The following NHSL1 variants were observed in gnomAD, a reference collection of about 807,000 sequenced individuals.
NHSL1 encodes the protein NHS-like protein 1.
A neutral mutation model predicts 95.0 loss-of-function variants in NHSL1; 48 were observed. The ratio of observed to expected loss-of-function variants is 0.51; its 90% CI spans 0.40 to 0.64. NHSL1 has a LOEUF of 0.64. Among genes scored for constraint, NHSL1 ranks in the 30% least tolerant of loss-of-function variants. The pLI is 0.00. For synonymous variants in NHSL1, 783 were observed against 833.9 expected, an observed-to-expected ratio of 0.94 and a Z score of 1.05; for missense variants, 1,971 against 2,077.7, an observed-to-expected ratio of 0.95 and a Z score of 1.00.
intron 1 of NHSL1, chr6:138,650,085 A>C (rs1785069426): frequency 5.9e-6 from 3 of 507,626 alleles, no homozygotes; most frequent in Admixed American, 4.6e-5. Flanking sequence ...CATGGCAAAT[A>C]TGGAAACTGA....
chr6:138,510,836 A>T (rs1781186456), intron 1 of NHSL1, among the ~76,000 whole-genome samples: 1 of 152,238 alleles, frequency 6.6e-6, no homozygotes, highest in Non-Finnish European at 1.5e-5. Flanking sequence ...CATTGTATGG[A>T]GACATATTGT....
chr6:138,667,995 T>C lies in NHSL1; in HGVS notation c.96+24481A>G, dbSNP rs72981167. Among the ~76,000 whole-genome samples the C allele has an allele frequency of 1.7e-3, 258 of 152,310 alleles. 1 individual carries two copies. Among genetic ancestry groups the C allele is most frequent in the Middle Eastern group, 0.01 (3 of 294 alleles). ...TTAACTTCCTTTGAAATCAAAAAAATATTCTAACATCTTTGTTTTTGACTG... is the reference window on the plus strand; with the variant it reads ...TTAACTTCCTTTGAAATCAAAAAAACATTCTAACATCTTTGTTTTTGACTG... On this transcript the variant is annotated intron_variant, in intron 1 of 3. Coordinates refer to the NHSL1 transcript ENST00000491526.
At chr6:138,500,454 C>T (rs367979507), upstream of NHSL1, among the ~76,000 whole-genome samples, 21 of 152,280 alleles carry the variant, frequency 1.4e-4, no homozygotes, top group East Asian at 2.1e-3. Flanking sequence ...ACTATGACAA[C>T]GGAAAAAGGA....
At position 138,509,948 on chromosome 6, in the gene NHSL1, T is replaced by C. The variant is rs75171427; in HGVS notation, c.17-13577A>G. On this transcript the variant is annotated intron_variant, in intron 1 of 4. Coordinates refer to the NHSL1 transcript ENST00000342260. ...AATTTATAACCAAAAGGTAAAGCCT[T>C]ACACAAAGGAGTCCAAAAGTGTTTT... Among the ~76,000 whole-genome samples the C allele has an allele frequency of 6.1e-3, 936 of 152,316 alleles. 22 individuals carry two copies. Among genetic ancestry groups the C allele is most frequent in the Admixed American group, 0.047 (726 of 15,298 alleles).
intron 2 of NHSL1, among the ~76,000 whole-genome samples, chr6:138,479,475 A>G (rs1208849125): frequency 6.6e-6 from 1 of 152,186 alleles, no homozygotes; most frequent in African/African-American, 2.4e-5. Context: ...CTACAAACTG[A>G]CTGATGGACG....
At chr6:138,455,744 T>G (rs549820405) in intron 3 of NHSL1, among the ~76,000 whole-genome samples, 1 of 58,672 alleles carries the variant, frequency 1.7e-5, no homozygotes, top group African/African-American at 3.9e-5. Context: ...TGTACCCCGA[T>G]GAACAAGCTA....
rs116104109 is a variant in NHSL1, at chr6:138,441,879, C to T, written c.664+104G>A. On this transcript the variant is annotated intron_variant, in intron 5 of 7. Transcript: ENST00000343505. ...GAAGCTGGCCCGTTGGGGCACCAAA[C>T]GGCTATCAGAATGTATCGATTTTAT... is the stretch of plus-strand genomic sequence containing the variant. The T allele has an allele frequency of 9.3e-4, 1,044 of 1,126,326 alleles. 9 individuals carry two copies. The African/African-American group carries it at 0.015, about 16-fold the overall frequency. The allele number at this position is 1,126,326 out of a possible 1,614,324, so 69.8% of individuals were successfully genotyped here. A position where few individuals can be genotyped will look rare whatever the true frequency, so the allele number is the denominator to read the frequency against.
rs1038451842 is a variant in NHSL1, at chr6:138,433,387, C to T, written c.958G>A (p.Ala320Thr). Residue 320 changes from alanine to threonine, a missense_variant, in exon 6 of 8, where the codon GCT (alanine) becomes ACT (threonine). Ala to Thr is a moderately conservative substitution (Grantham distance 58). Coordinates refer to ENST00000343505, the MANE Select transcript of NHSL1 (RefSeq NM_001144060.2). ...IVFPSRLDSD[A>T]GFHSLPRSGA... ...GAACGCGGAAGACTATGGAAGCCAG[C>T]ATCACTGTCAAGGCGGGAAGGGAAT... 2.6e-6 allele frequency: 4 copies of T among 1,552,314 alleles called. No individual in the cohort carries two copies. Among genetic ancestry groups the T allele is most frequent in the Middle Eastern group, 1.7e-4 (1 of 5,998 alleles).
At chr6:138,653,509 C>T (rs1431803042) in intron 1 of NHSL1, among the ~76,000 whole-genome samples, 1 of 151,988 alleles carries the variant, frequency 6.6e-6, no homozygotes, top group Non-Finnish European at 1.5e-5. Flanking sequence ...AGCTGAGATG[C>T]CAAGATCGCA....
intron 1 of NHSL1, among the ~76,000 whole-genome samples, chr6:138,568,637 GC>G (rs1371930664): frequency 6.6e-6 from 1 of 152,184 alleles, no homozygotes; most frequent in Non-Finnish European, 1.5e-5. Context: ...CTTGTAGTGT[GC>G]TGTCAAACAC....
chr6:138,688,211 C>T (rs1583481998), intron 1 of NHSL1, among the ~76,000 whole-genome samples: 3 of 152,094 alleles, frequency 2.0e-5, no homozygotes, highest in African/African-American at 7.2e-5. Flanking sequence ...CTTGGCCTCC[C>T]AAAGTACTGT....
At chr6:138,450,988 C>T (rs1777197395) in intron 3 of NHSL1, among the ~76,000 whole-genome samples, 1 of 152,192 alleles carries the variant, frequency 6.6e-6, no homozygotes, top group Non-Finnish European at 1.5e-5. Context: ...TGACCATCCT[C>T]CCCTGCTCCT....
intron 1 of NHSL1, among the ~76,000 whole-genome samples, chr6:138,530,568 T>C (rs946910847): frequency 6.6e-6 from 1 of 152,192 alleles, no homozygotes; most frequent in African/African-American, 2.4e-5. Context: ...AAATCTGATA[T>C]ATATACACAC....
intron 5 of NHSL1, 52 bp downstream of exon 5, chr6:138,441,930 GT>G: frequency 6.7e-7 from 1 of 1,498,676 alleles, no homozygotes; most frequent in East Asian, 2.5e-5. Flanking sequence ...GGTTAGCGCA[GT>G]AAGGCCGAGC....
intron 1 of NHSL1, among the ~76,000 whole-genome samples, chr6:138,669,542 C>T (rs1358252657): frequency 6.6e-6 from 1 of 152,200 alleles, no homozygotes; most frequent in Non-Finnish European, 1.5e-5. Context: ...GTTAACCCTA[C>T]ATCTCCTGAC....
At chr6:138,636,587 T>A (rs1784891333) in intron 1 of NHSL1, among the ~76,000 whole-genome samples, 1 of 152,030 alleles carries the variant, frequency 6.6e-6, no homozygotes, top group Non-Finnish European at 1.5e-5. Flanking sequence ...AAAATCAACA[T>A]AAAAAAATCA....
At position 138,422,342 on chromosome 6, in the gene NHSL1, G is replaced by A. The variant is rs1774971460; in HGVS notation, c.*1739C>T. The A allele has an allele frequency of 6.6e-6, 1 of 152,180 alleles. No individual in the cohort carries two copies. The highest frequency in any genetic ancestry group is 1.5e-5 in the Non-Finnish European group (1 of 68,036). The allele number at this position is 152,180 out of a possible 1,614,324, so 9.4% of individuals were successfully genotyped here. A position where few individuals can be genotyped will look rare whatever the true frequency, so the allele number is the denominator to read the frequency against. ...TTGACTTCCGGTTGTGTGAAGAGCA[G>A]TGTTTTGTTTTTTTCAGAGAAGGGA... On this transcript the variant is annotated 3_prime_UTR_variant, in exon 8 of 8. Transcript: ENST00000343505.
At chr6:138,664,397 A>T (rs1045735044) in intron 1 of NHSL1, among the ~76,000 whole-genome samples, 1 of 152,188 alleles carries the variant, frequency 6.6e-6, no homozygotes, top group Non-Finnish European at 1.5e-5. Flanking sequence ...GATTAGTTTT[A>T]GGGAAAAAAC....
chr6:138,522,597 C>T (rs1440773644), intron 1 of NHSL1, among the ~76,000 whole-genome samples: 2 of 152,156 alleles, frequency 1.3e-5, no homozygotes, highest in East Asian at 1.9e-4. Context: ...GCCGAGATCA[C>T]GCCATTACAC....
Sources: allele counts gnomAD v4.1 joint callset (sites outside exome capture counted in the v4.1 genomes callset), GRCh38; gene constraint gnomAD v4.1.1; transcripts MANE v1.5; gene names NCBI Gene and HGNC (gene_info 2026-07-23, HGNC 2026-07-21).